The following ZZEF1 variants were observed in gnomAD, a reference collection of about 807,000 sequenced individuals.
The protein encoded by ZZEF1 is zinc finger ZZ-type and EF-hand domain containing 1.
A neutral mutation model predicts 342.8 loss-of-function variants in ZZEF1; 157 were observed. The observed-to-expected ratio is 0.46, with a 90% CI of 0.40 to 0.52. The LOEUF (loss-of-function observed/expected upper bound fraction) is 0.52. Among genes scored for constraint, ZZEF1 ranks in the 20% least tolerant of loss-of-function variants. The pLI is 0.00. For missense variants in ZZEF1, 3,480 were observed against 3,725.6 expected, an observed-to-expected ratio of 0.93 and a Z score of 1.72; for synonymous variants, 1,505 against 1,429.1, an observed-to-expected ratio of 1.05 and a Z score of -1.20.
rs141200966 is a variant in ZZEF1 at position 4,064,464 on chromosome 17, G to T, written c.4615C>A (p.Arg1539=). 6.2e-7 allele frequency: 1 copy of T among 1,614,036 alleles called. No homozygotes were observed. The highest frequency in any genetic ancestry group is 1.3e-5 in the African/African-American group (1 of 74,904). Residue 1539 remains arginine, a synonymous_variant, in exon 29 of 55, where the codon CGA becomes AGA. Transcript: ENST00000381638. ...TRGRLRLLSF[R]SMEEARLVPT... is the part of the protein sequence containing the mutation. ...ACCAGTCTGGCCTCCTCCATGGATC[G>T]AAAGGAGAGCAGCCGGAGTCGCCCT...
chr17:4,048,356 A>C (rs1010029442), intron 37 of ZZEF1, among the ~76,000 whole-genome samples: 2 of 152,180 alleles, frequency 1.3e-5, no homozygotes, highest in African/African-American at 4.8e-5. Flanking sequence ...GTATTCCTCC[A>C]CATGAGAATG....
Position 4,016,436 on chromosome 17 carries a change from C to T in ZZEF1, c.8032G>A (p.Glu2678Lys). Reference sequence around the variant, plus strand: ...AGGGCCATGGTCCCCAGCATGTCCTCTCGGCAGCCCTGGAGCACTTTCTGC... The same window carrying T: ...AGGGCCATGGTCCCCAGCATGTCCTTTCGGCAGCCCTGGAGCACTTTCTGC... ...ILQKVLQGCREDMLGTMALAA... is the reference protein window; with the variant it reads ...ILQKVLQGCRKDMLGTMALAA... The change falls in exon 49 of 55, where the codon GAG becomes AAG. Residue 2678 changes from glutamate to lysine, a missense_variant. Physicochemically the swap from Glu to Lys is moderately conservative, Grantham distance 56. This residue lies in a region of ZZEF1 where 1,269 missense variants were observed against 1,342.4 expected (regional missense o/e 0.95). Transcript: ENST00000381638. This position sits in a 1 kb window ranked among gnomAD's most constrained non-coding sequence, Gnocchi z 4.4. The T allele has an allele frequency of 6.2e-7, 1 of 1,613,316 alleles. No individual in the cohort carries two copies. Among genetic ancestry groups the T allele is most frequent in the Non-Finnish European group, 8.5e-7 (1 of 1,179,880 alleles).
At chr17:4,114,857 T>C (rs888713185) in intron 3 of ZZEF1, among the ~76,000 whole-genome samples, 14 of 152,198 alleles carry the variant, frequency 9.2e-5, no homozygotes, top group Non-Finnish European at 5.9e-5. Flanking sequence ...TTTTAAATAA[T>C]GAGTGACACT....
chr17:4,051,698 G>A lies in ZZEF1; in HGVS notation c.5600+273C>T, dbSNP rs201970990. Among the ~76,000 whole-genome samples, 12 of 150,828 alleles carry A rather than the reference G, an allele frequency of 8.0e-5. No individual in the cohort carries two copies. In the East Asian group the frequency reaches 2.3e-3, roughly 29 times the overall value. ...CTGAAAGTGCTGGGATTACAGGCGT[G>A]AGCCACCGAGCCTGGTCCTGGAATT... On this transcript the variant is annotated intron_variant, in intron 35 of 54. Transcript: ENST00000381638.
rs1339697838 is a variant in ZZEF1 at position 4,081,371 on chromosome 17, G to T, written c.2829+5C>A. ...AAAGAAAACAGGGAGGCAGCCACTG[G>T]ATACCTCTCGAGCAGCAACAGAGAC... On this transcript the variant is annotated splice_donor_5th_base_variant and intron_variant, in intron 18 of 54. Coordinates refer to ENST00000381638, the MANE Select transcript of ZZEF1 (RefSeq NM_015113.4). The T allele has an allele frequency of 1.9e-6, 3 of 1,611,900 alleles. No homozygotes were observed. The highest frequency in any genetic ancestry group is 2.5e-6 in the Non-Finnish European group (3 of 1,179,178).
intron 11 of ZZEF1, 28 bp from the exon 12 acceptor site, chr17:4,090,858 A>G: frequency 6.3e-7 from 1 of 1,581,018 alleles, no homozygotes. Flanking sequence ...TTCACAAAAC[A>G]TTTTATTTTG....
chr17:4,042,813 C>A (rs900405009), intron 38 of ZZEF1, among the ~76,000 whole-genome samples: 2 of 152,254 alleles, frequency 1.3e-5, no homozygotes, highest in African/African-American at 4.8e-5. Context: ...TCCCAAGTAG[C>A]TGGGATTACA....
intron 18 of ZZEF1, among the ~76,000 whole-genome samples, chr17:4,080,334 T>G (rs984329530): frequency 9.1e-5 from 4 of 44,104 alleles, no homozygotes; most frequent in African/African-American, 1.6e-4. Context: ...TTTTTTTGTT[T>G]TTTGTTTGTT....
chr17:4,102,109 C>A (rs747108645), intron 9 of ZZEF1, among the ~76,000 whole-genome samples: 1 of 152,154 alleles, frequency 6.6e-6, no homozygotes, highest in African/African-American at 2.4e-5. Context: ...AAACTTCAGG[C>A]TCTCAAATAC....
At chr17:4,066,600 T>C (rs911674939) in intron 27 of ZZEF1, 60 bp from the exon 28 acceptor site, 17 of 1,460,034 alleles carry the variant, frequency 1.2e-5, no homozygotes, top group Non-Finnish European at 1.6e-5. Context: ...AGGACAGCCA[T>C]GGCAAACTAC....
In ZZEF1 at chr17:4,067,220, G is replaced by A; in HGVS notation, c.4098C>T (p.Ala1366=). ...AAACCTGGGCAAACTCTTCACTCAG[G>A]GCTATTTTGCCCCCACTGTTGACTG... The part of the protein sequence containing the change: ...QKYVNSGGKI[A]LSEEFAQVYS... Residue 1366 remains alanine, a synonymous_variant, in exon 27 of 55, where the codon GCC becomes GCT. Coordinates refer to ENST00000381638, the MANE Select transcript of ZZEF1 (RefSeq NM_015113.4). 6.2e-7 allele frequency: 1 copy of A among 1,612,910 alleles called. No individual in the cohort carries two copies. The highest frequency in any genetic ancestry group is 1.3e-5 in the African/African-American group (1 of 74,892).
intron 13 of ZZEF1, 102 bp from the exon 14 acceptor site, chr17:4,087,636 C>T (rs1341874092): frequency 9.9e-7 from 1 of 1,005,916 alleles, no homozygotes; most frequent in Admixed American, 3.0e-5. Context: ...TGAGGTGGCT[C>T]TACATGAGTG....
intron 6 of ZZEF1, 99 bp downstream of exon 6, chr17:4,109,553 CA>C: frequency 7.5e-7 from 1 of 1,324,806 alleles, no homozygotes; most frequent in Non-Finnish European, 1.1e-6. Context: ...GACTGAGCCA[CA>C]ACGATCAATG....
chr17:4,007,899 G>A (rs970331578), intron 54 of ZZEF1, among the ~76,000 whole-genome samples: 1 of 151,956 alleles, frequency 6.6e-6, no homozygotes, highest in Non-Finnish European at 1.5e-5. Flanking sequence ...TGGGTGTCCC[G>A]GCTGGGTGTC....
At chr17:4,041,811 G>A (rs1002790289) in intron 39 of ZZEF1, among the ~76,000 whole-genome samples, 1 of 151,976 alleles carries the variant, frequency 6.6e-6, no homozygotes. Flanking sequence ...TTAAAAAAAG[G>A]CAAGGGAAGC....
rs539333354 is a variant in ZZEF1, at chr17:4,091,875, G to A, written c.1914-1045C>T. Among the ~76,000 whole-genome samples, 22 of 150,158 alleles carry A rather than the reference G, an allele frequency of 1.5e-4. No individual in the cohort carries two copies. The South Asian group carries it at 3.6e-3, about 24-fold the overall frequency. On this transcript the variant is annotated intron_variant, in intron 11 of 54. Transcript: ENST00000381638. ...GCAGAGCACCTGAGGTCAGGAATTC[G>A]AGACCAGCCTGACCAACATTAAGAA...
In ZZEF1 at chr17:4,142,646, G is replaced by A. The variant is rs778692609; in HGVS notation, c.250C>T (p.Leu84=). The stretch of plus-strand genomic sequence containing the variant: ...TCGCCGCGGCCCAGCCGCTCTTCCA[G>A]CCAGCGAAACAACGCGCCGCGATGC... ...SRHRGALFRW[L]EERLGRGEES... The change falls in exon 1 of 55, where the codon CTG becomes TTG. Residue 84 remains leucine (L), a synonymous_variant. Coordinates refer to ENST00000381638, the MANE Select transcript of ZZEF1 (RefSeq NM_015113.4). The A allele has an allele frequency of 8.1e-6, 13 of 1,607,162 alleles. No homozygotes were observed. The highest frequency in any genetic ancestry group is 5.3e-5 in the African/African-American group (4 of 74,892).
At chr17:4,075,239 G>A (rs748303291) in intron 22 of ZZEF1, 24 bp downstream of exon 22, 1 of 1,613,574 alleles carries the variant, frequency 6.2e-7, no homozygotes, top group Admixed American at 1.7e-5. Flanking sequence ...AGCGCTTGGG[G>A]GTGAAAGAAT....
At chr17:4,140,574 G>A (rs28447233) in intron 1 of ZZEF1, among the ~76,000 whole-genome samples, 23,351 of 152,166 alleles carry the variant, frequency 0.15, 1,974 homozygotes, top group African/African-American at 0.22. Context: ...AGTGGCACTC[G>A]ATATACGCCC....
Sources: gnomAD v4.1 joint callset for allele counts (sites outside exome capture counted in the v4.1 genomes callset) on GRCh38, gnomAD v4.1.1 for gene constraint, gnomAD v4.1.1 regional missense constraint, Gnocchi (gnomAD v3.1) non-coding constraint, MANE v1.5 for transcripts, NCBI Gene and HGNC (gene_info 2026-07-23, HGNC 2026-07-21) for gene names.